Variants in SPECC1 observed in about 807,000 individuals in gnomAD.
The protein encoded by SPECC1 is cytospin-B.
Under a neutral mutation model 104.1 loss-of-function variants are expected in SPECC1, and 62 were observed. The observed-to-expected ratio is 0.60, with a 90% CI of 0.49 to 0.74. The LOEUF is 0.74. SPECC1 is among the 30% of genes least tolerant of loss of function. The probability of loss-of-function intolerance (pLI) is 0.00; values close to 1 mark genes in which losing one functional copy is unlikely to be tolerated. For missense variants in SPECC1, 1,306 were observed against 1,310.5 expected (o/e 1.00, Z 0.05); for synonymous variants, 513 against 501.6 (o/e 1.02, Z -0.30).
At chr17:20,038,027 C>T (rs530900597) in intron 1 of SPECC1, among the ~76,000 whole-genome samples, 1 of 152,196 alleles carries the variant, frequency 6.6e-6, no homozygotes, top group South Asian at 2.1e-4. Context: ...TCCATTTCAT[C>T]TACATTGTCA....
intron 3 of SPECC1, among the ~76,000 whole-genome samples, chr17:20,191,959 C>G: frequency 6.6e-6 from 1 of 152,064 alleles, no homozygotes; most frequent in East Asian, 1.9e-4. Flanking sequence ...TTTATTGAGA[C>G]AGTGTCTCAC....
At chr17:20,210,061 C>G (rs994519947) in intron 4 of SPECC1, among the ~76,000 whole-genome samples, 15 of 152,130 alleles carry the variant, frequency 9.9e-5, no homozygotes, top group African/African-American at 3.6e-4. Context: ...TAGTGTTCTG[C>G]TTGTGTGGGT....
chr17:20,089,048 T>C (rs953761171), intron 1 of SPECC1, among the ~76,000 whole-genome samples: 5 of 152,218 alleles, frequency 3.3e-5, no homozygotes, highest in African/African-American at 1.2e-4. Flanking sequence ...GCCTTGTTTA[T>C]AAATTACCCA....
At chr17:20,299,155 T>G (rs2142060891) in intron 13 of SPECC1, among the ~76,000 whole-genome samples, 4 of 152,102 alleles carry the variant, frequency 2.6e-5, no homozygotes, top group Admixed American at 2.6e-4. Context: ...GAATTCCCTC[T>G]TCTTCAGTGA....
chr17:20,212,389 A>G (rs959727074), intron 4 of SPECC1, among the ~76,000 whole-genome samples: 2 of 152,242 alleles, frequency 1.3e-5, no homozygotes, highest in Non-Finnish European at 2.9e-5. Context: ...ACTGGAAAGA[A>G]AAAAAGGATT....
At chr17:20,103,796 C>T (rs1157609534) in intron 2 of SPECC1, among the ~76,000 whole-genome samples, 1 of 152,166 alleles carries the variant, frequency 6.6e-6, no homozygotes, top group Non-Finnish European at 1.5e-5. Context: ...TATCTCACTG[C>T]AGGATTCACT....
At position 20,054,684 on chromosome 17, in the gene SPECC1, G is replaced by A. The variant is rs534486087; in HGVS notation, c.-21-41947G>A. ...TTTGATATTCTTTTTCTTTTTTTGG[G>A]GGGGGTGGTGTCTTGCTCTGTCATC... On this transcript the variant is annotated intron_variant, in intron 1 of 14. Coordinates refer to ENST00000395527, the MANE Select transcript of SPECC1 (RefSeq NM_001243439.2). 4.6e-5 allele frequency among the ~76,000 whole-genome samples: 7 copies of A among 151,776 alleles called. No individual in the cohort carries two copies. The South Asian group carries it at 6.2e-4, about 14-fold the overall frequency.
chr17:20,102,942 T>C (rs2048010167), intron 2 of SPECC1, among the ~76,000 whole-genome samples: 1 of 152,220 alleles, frequency 6.6e-6, no homozygotes, highest in Admixed American at 6.5e-5. Context: ...CTAACTTGTT[T>C]AATCCTCAGA....
chr17:20,092,375 C>A (rs2047439545), intron 1 of SPECC1, among the ~76,000 whole-genome samples: 1 of 149,086 alleles, frequency 6.7e-6, no homozygotes, highest in African/African-American at 2.5e-5. Context: ...ATGGCTAATT[C>A]ATATCCATAA....
At chr17:20,124,548 T>C (rs1442598252) in intron 3 of SPECC1, among the ~76,000 whole-genome samples, 1 of 152,190 alleles carries the variant, frequency 6.6e-6, no homozygotes, top group Non-Finnish European at 1.5e-5. Context: ...TGTTCTTGTT[T>C]TCATAATTTT....
At chr17:20,102,231 A>G (rs2152512479) in intron 2 of SPECC1, among the ~76,000 whole-genome samples, 1 of 152,366 alleles carries the variant, frequency 6.6e-6, no homozygotes, top group East Asian at 1.9e-4. Flanking sequence ...AAGCAGTGAC[A>G]AAGTAAGAGT....
chr17:20,127,499 G>A (rs1025107263), intron 3 of SPECC1, among the ~76,000 whole-genome samples: 1 of 139,968 alleles, frequency 7.1e-6, no homozygotes, highest in African/African-American at 2.6e-5. Flanking sequence ...CTGAAGTGTA[G>A]TGGCGTGACC....
intron 3 of SPECC1, among the ~76,000 whole-genome samples, chr17:20,174,596 A>G (rs1406845179): frequency 7.6e-6 from 1 of 132,212 alleles, no homozygotes; most frequent in Non-Finnish European, 1.7e-5. Context: ...CCAGGTGGTC[A>G]CATCAGTCTC....
chr17:20,076,835 G>A (rs982264853), intron 1 of SPECC1, among the ~76,000 whole-genome samples: 2 of 151,024 alleles, frequency 1.3e-5, no homozygotes, highest in Admixed American at 6.5e-5. Context: ...GTATCATGGG[G>A]AAAAAAGAGT....
At chr17:20,051,952 T>G (rs529132389) in intron 1 of SPECC1, among the ~76,000 whole-genome samples, 2 of 152,312 alleles carry the variant, frequency 1.3e-5, no homozygotes, top group East Asian at 3.9e-4. Flanking sequence ...CTAACCTCTC[T>G]GACCCCCATT....
At chr17:20,313,724 A>G (rs368857818) in intron 14 of SPECC1, among the ~76,000 whole-genome samples, 4 of 152,238 alleles carry the variant, frequency 2.6e-5, no homozygotes, top group South Asian at 2.1e-4. Flanking sequence ...ATGCTGTCAT[A>G]TGGTTAAAAG....
chr17:20,225,306 T>C (rs1445444195), intron 4 of SPECC1, among the ~76,000 whole-genome samples: 1 of 152,184 alleles, frequency 6.6e-6, no homozygotes, highest in Non-Finnish European at 1.5e-5. Context: ...CCAAGTCCAC[T>C]GTCTGAGCCC....
chr17:20,206,968 T>C (rs918065206), intron 4 of SPECC1, among the ~76,000 whole-genome samples: 2 of 152,208 alleles, frequency 1.3e-5, no homozygotes, highest in Admixed American at 1.3e-4. Context: ...TTCTCAACAC[T>C]TTAATCAGCC....
At position 20,199,245 on chromosome 17, in the gene SPECC1, C is replaced by T. The variant is rs953598545; in HGVS notation, c.284-5088C>T. 2.0e-5 allele frequency among the ~76,000 whole-genome samples: 3 copies of T among 151,834 alleles called. No homozygotes were observed. In the South Asian group the frequency reaches 6.3e-4, roughly 32 times the overall value. ...GGAGTTACAGGCATGTGCTGTGGCG[C>T]CCAGCTAATTTTTGTATTTTTAGTA... On this transcript the variant is annotated intron_variant, in intron 3 of 14. Transcript: ENST00000395527.
Sources: gnomAD v4.1 joint callset for allele counts (sites outside exome capture counted in the v4.1 genomes callset) on GRCh38, gnomAD v4.1.1 for gene constraint, MANE v1.5 for transcripts, NCBI Gene and HGNC (gene_info 2026-07-23, HGNC 2026-07-21) for gene names.